CENPC: variants seen among roughly 807,000 people sequenced by gnomAD.
CENPC encodes the protein CENP-C 1.
Under a neutral mutation model 112.1 loss-of-function variants are expected in CENPC, and 63 were observed. The ratio of observed to expected loss-of-function variants is 0.56; its 90% confidence interval spans 0.46 to 0.69. The LOEUF is 0.69. CENPC is among the 30% of genes least tolerant of loss of function. The pLI, the probability that CENPC is intolerant of heterozygous loss-of-function variation, is 0.00. For missense variants in CENPC, 1,000 were observed against 1,103.8 expected, an observed-to-expected ratio of 0.91 and a Z score of 1.33; for synonymous variants, 333 against 367.6, an observed-to-expected ratio of 0.91 and a Z score of 1.08.
rs531327000 is a variant in CENPC at position 67,505,805 on chromosome 4, T to C, written c.2052-521A>G. Among the ~76,000 whole-genome samples, 33 of 152,264 alleles carry C rather than the reference T, an allele frequency of 2.2e-4. 1 individual carries two copies. In the South Asian group the frequency reaches 6.2e-3, roughly 29 times the overall value. ...AAAGACTACAATTTCATCCCATAAC[T>C]GACAGTTGAGCATCATAAGTACTGA... On this transcript the variant is annotated intron_variant, in intron 11 of 18. Transcript: ENST00000273853.
At chr4:67,525,888 A>G (rs1374462860) in intron 5 of CENPC, among the ~76,000 whole-genome samples, 1 of 152,232 alleles carries the variant, frequency 6.6e-6, no homozygotes, top group Non-Finnish European at 1.5e-5. Flanking sequence ...TTACTGCAGC[A>G]CTATTTACAA....
intron 17 of CENPC, among the ~76,000 whole-genome samples, chr4:67,489,707 C>A (rs116588307): frequency 0.011 from 1,648 of 152,116 alleles, 34 homozygotes; most frequent in African/African-American, 0.038. Context: ...TGTTTGCAAA[C>A]CTATATTTAA....
rs1378271375 is a variant in CENPC at position 67,509,018 on chromosome 4, G to T, written c.1700C>A (p.Ser567Ter). 1 of 1,612,712 alleles carries T rather than the reference G, an allele frequency of 6.2e-7. No individual in the cohort carries two copies. Residue 567 changes from serine (S) to a stop codon, truncating the protein, a stop_gained, in exon 10 of 19, where the codon TCA becomes TAA. Coordinates refer to ENST00000273853, the MANE Select transcript of CENPC (RefSeq NM_001812.4). LOFTEE classifies it high-confidence loss of function. ...AGTTTTTTTCCTAATATTCTTAGATGACTGATTTGTTTTCTTAGTAGATTT... is the reference window on the plus strand; with the variant it reads ...AGTTTTTTTCCTAATATTCTTAGATTACTGATTTGTTTTCTTAGTAGATTT... ...SRKSTKKTNQSSKNIRKKTIP... is the reference protein window; with the variant it reads ...SRKSTKKTNQ
chr4:67,491,056 T>C (rs999321467), intron 16 of CENPC, among the ~76,000 whole-genome samples: 39 of 151,300 alleles, frequency 2.6e-4, no homozygotes, highest in African/African-American at 8.5e-4. Context: ...AATCTGCATA[T>C]AGAGATACCT....
Position 67,492,989 on chromosome 4 carries a change from C to A in CENPC, c.2299G>T (p.Val767Leu). The change falls in exon 15 of 19, where the codon GTG becomes TTG. Residue 767 changes from valine to leucine, a missense_variant. Physicochemically the swap from Val to Leu is conservative, Grantham distance 32. Transcript: ENST00000273853. ...DYQGRPSGGF[V>L]ISGVLSPDTI... The stretch of plus-strand genomic sequence containing the variant: ...TCTGGAGATAGTACTCCACTAATCA[C>A]GAATCCTCCTGAAATTTAACAAAAA... The A allele has an allele frequency of 6.6e-7, 1 of 1,517,268 alleles. No homozygotes were observed. Among genetic ancestry groups the A allele is most frequent in the East Asian group, 2.5e-5 (1 of 40,120 alleles). The allele number at this position is 1,517,268 out of a possible 1,614,324, so 94.0% of individuals were successfully genotyped here.
At chr4:67,545,262 C>A in intron 1 of CENPC, 76 bp downstream of exon 1, 1 of 1,385,596 alleles carries the variant, frequency 7.2e-7, no homozygotes, top group Non-Finnish European at 9.5e-7. Flanking sequence ...CTAGCATTTC[C>A]TTCTCCCCAG....
At chr4:67,517,513 A>ATAAGGGCAGCC (rs1328582393) in intron 7 of CENPC, among the ~76,000 whole-genome samples, 1 of 151,908 alleles carries the variant, frequency 6.6e-6, no homozygotes, top group East Asian at 1.9e-4. Context: ...TGATAGTGAC[A>ATAAGGGCAGCC]TAAGGGCAGC....
intron 7 of CENPC, 43 bp from the exon 8 acceptor site, chr4:67,514,730 TTTTA>T: frequency 6.7e-7 from 1 of 1,502,080 alleles, no homozygotes; most frequent in African/African-American, 1.4e-5. Flanking sequence ...AAAATAAAGC[TTTTA>T]TATTTGTTTA....
At chr4:67,503,574 C>A (rs1219474968) in intron 12 of CENPC, among the ~76,000 whole-genome samples, 1 of 151,962 alleles carries the variant, frequency 6.6e-6, no homozygotes, top group Non-Finnish European at 1.5e-5. Flanking sequence ...ACTGACACAC[C>A]CCTACCCTTA....
Position 67,490,116 on chromosome 4 carries a change from C to G in CENPC, c.2521G>C (p.Val841Leu). 1.9e-6 allele frequency: 3 copies of G among 1,599,592 alleles called. No homozygotes were observed. Among genetic ancestry groups the G allele is most frequent in the Non-Finnish European group, 2.6e-6 (3 of 1,173,682 alleles). ...ETREIILMDLVRPQDTYQFFV... is the reference protein window; with the variant it reads ...ETREIILMDLLRPQDTYQFFV... ...AATTGATATGTATCTTGTGGCCTTA[C>G]AAGATCTAGGAGTAAAACAGTAATA... Residue 841 changes from valine (V) to leucine (L), a missense_variant, in exon 17 of 19, where the codon GTA (valine) becomes CTA (leucine). Val to Leu is a conservative substitution (Grantham distance 32). Coordinates refer to ENST00000273853, the MANE Select transcript of CENPC (RefSeq NM_001812.4).
At chr4:67,509,201 TACACATACACACACAC>T in intron 9 of CENPC, 96 bp from the exon 10 acceptor site, 1 of 576,182 alleles carries the variant, frequency 1.7e-6, no homozygotes, top group Non-Finnish European at 2.9e-6. Context: ...TATAAACATA[TACACATACACACACAC>T]ACACACACAC....
intron 5 of CENPC, among the ~76,000 whole-genome samples, chr4:67,524,009 A>G (rs980180335): frequency 1.3e-5 from 2 of 152,076 alleles, no homozygotes; most frequent in Admixed American, 6.6e-5. Flanking sequence ...TTTATCCATC[A>G]AGAAAAGAAC....
chr4:67,492,661 A>T lies in CENPC; in HGVS notation c.2419+208T>A, dbSNP rs1044343293. The T allele has an allele frequency of 8.8e-6, 7 of 794,324 alleles. No individual in the cohort carries two copies. The African/African-American group carries it at 8.9e-5, about 10-fold the overall frequency. The allele number at this position is 794,324 out of a possible 1,614,324, so 49.2% of individuals were successfully genotyped here. On this transcript the variant is annotated intron_variant, in intron 15 of 18. Transcript: ENST00000273853. ...TGACTGGGAAATTTACTCATGAAGAAATTTATAATATGCTATTAATAATTT... is the reference window on the plus strand; with the variant it reads ...TGACTGGGAAATTTACTCATGAAGATATTTATAATATGCTATTAATAATTT...
intron 5 of CENPC, among the ~76,000 whole-genome samples, chr4:67,524,577 T>C (rs1726319844): frequency 6.6e-6 from 1 of 152,006 alleles, no homozygotes; most frequent in South Asian, 2.1e-4. Flanking sequence ...TGAACTCCCA[T>C]TCACAACTGC....
chr4:67,524,376 AAGAGAGG>A (rs1578000248), intron 5 of CENPC, among the ~76,000 whole-genome samples: 2 of 119,920 alleles, frequency 1.7e-5, no homozygotes, highest in Admixed American at 8.9e-5. Context: ...AGGAAGAGAG[AAGAGAGG>A]AAGTCAAACT....
intron 12 of CENPC, among the ~76,000 whole-genome samples, chr4:67,499,677 CA>C (rs1260939775): frequency 1.3e-5 from 2 of 152,168 alleles, no homozygotes; most frequent in African/African-American, 4.8e-5. Flanking sequence ...TCTTATCATT[CA>C]TGTGTTCACT....
At chr4:67,514,806 C>A in intron 7 of CENPC, 119 bp from the exon 8 acceptor site, 1 of 983,750 alleles carries the variant, frequency 1.0e-6, no homozygotes. Context: ...TATATCTCCT[C>A]AATTTTCCCT....
At chr4:67,508,468 C>T (rs185210412) in intron 10 of CENPC, among the ~76,000 whole-genome samples, 251 of 142,604 alleles carry the variant, frequency 1.8e-3, no homozygotes, top group Middle Eastern at 0.016. Flanking sequence ...GCTATGATCA[C>T]GCCACTGCAC....
At chr4:67,485,851 G>A (rs973793075) in intron 17 of CENPC, among the ~76,000 whole-genome samples, 3 of 152,090 alleles carry the variant, frequency 2.0e-5, no homozygotes, top group African/African-American at 7.2e-5. Context: ...AGAAACTGAG[G>A]CACAGAGAGG....
Sources: gnomAD v4.1 joint callset for allele counts (sites outside exome capture counted in the v4.1 genomes callset) on GRCh38, gnomAD v4.1.1 for gene constraint, MANE v1.5 for transcripts, NCBI Gene and HGNC (gene_info 2026-07-23, HGNC 2026-07-21) for gene names.